The following ACOT12 variants were observed in gnomAD, a reference collection of about 807,000 sequenced individuals.
ACOT12 encodes the protein acetyl-coenzyme A thioesterase.
ACOT12 carries 51 observed loss-of-function variants against 67.7 expected under a neutral mutation model. The observed-to-expected ratio is 0.75, with a 90% CI of 0.60 to 0.95. The LOEUF is 0.95. Among genes scored for constraint, ACOT12 ranks in the 40% least tolerant of loss-of-function variants. The pLI is 0.00. For missense variants in ACOT12, 734 were observed against 708.1 expected (o/e 1.04, Z -0.41); for synonymous variants, 251 against 244.6 (o/e 1.03, Z -0.24).
In ACOT12 at chr5:81,393,917, C is replaced by T. The variant is rs148909874; in HGVS notation, c.127+71G>A. ...GTACCTTCCTCGCCTTCCTACCCCC[C>T]CCAGCCCCCAGCCGCCGCCGCTCCC... On this transcript the variant is annotated intron_variant, in intron 1 of 14. Coordinates refer to ENST00000307624, the MANE Select transcript of ACOT12 (RefSeq NM_130767.3). 2.4e-3 allele frequency: 3,102 copies of T among 1,274,776 alleles called. 7 individuals carry two copies. Among genetic ancestry groups the T allele is most frequent in the Non-Finnish European group, 2.8e-3 (2,849 of 1,012,914 alleles). The allele number at this position is 1,274,776 out of a possible 1,614,324, so 79.0% of individuals were successfully genotyped here. A position where few individuals can be genotyped will look rare whatever the true frequency, so the allele number is the denominator to read the frequency against.
chr5:81,342,140 G>C (rs1759215188), intron 11 of ACOT12, among the ~76,000 whole-genome samples: 3 of 152,116 alleles, frequency 2.0e-5, no homozygotes, highest in Admixed American at 1.3e-4. Flanking sequence ...ACAAGTGTCT[G>C]CTACCACAGC....
intron 12 of ACOT12, among the ~76,000 whole-genome samples, chr5:81,335,445 G>A (rs147444582): frequency 0.02 from 3,086 of 152,238 alleles, 117 homozygotes; most frequent in African/African-American, 0.07. Context: ...GCTCACTGTA[G>A]CCTTGACCTC....
the ACOT12 span, among the ~76,000 whole-genome samples, chr5:81,317,911 CAG>C: frequency 7.3e-6 from 1 of 137,820 alleles, no homozygotes; most frequent in Non-Finnish European, 1.5e-5. Flanking sequence ...TTTTTGGAGA[CAG>C]AGTTTGTAGC....
At chr5:81,314,095 T>TG in the ACOT12 span, among the ~76,000 whole-genome samples, 5 of 152,188 alleles carry the variant, frequency 3.3e-5, no homozygotes, top group Admixed American at 3.3e-4. Flanking sequence ...TGGATTACTT[T>TG]TTGTGTGTGT....
At chr5:81,343,281 CAT>C (rs1364823316) in intron 10 of ACOT12, among the ~76,000 whole-genome samples, 5 of 151,834 alleles carry the variant, frequency 3.3e-5, no homozygotes, top group African/African-American at 1.2e-4. Flanking sequence ...CTACAGGTAA[CAT>C]ATACTTTTTA....
chr5:81,330,803 A>G lies in ACOT12; in HGVS notation c.1518+11T>C. ...GAGCCAATTAATCTGCAGATGTTTCATCAAACTTACGATGCATGAATTGCT... is the reference window on the plus strand; with the variant it reads ...GAGCCAATTAATCTGCAGATGTTTCGTCAAACTTACGATGCATGAATTGCT... On this transcript the variant is annotated intron_variant, in intron 14 of 14. Coordinates refer to ENST00000307624, the MANE Select transcript of ACOT12 (RefSeq NM_130767.3). 3 of 1,610,434 alleles carry G rather than the reference A, an allele frequency of 1.9e-6. No individual in the cohort carries two copies. The highest frequency in any genetic ancestry group is 2.5e-6 in the Non-Finnish European group (3 of 1,179,126).
Position 81,394,050 on chromosome 5 carries a change from G to A in ACOT12, c.65C>T (p.Ala22Val). 6.8e-7 allele frequency: 1 copy of A among 1,472,294 alleles called. No individual in the cohort carries two copies. The highest frequency in any genetic ancestry group is 1.3e-5 in the South Asian group (1 of 75,970). The allele number at this position is 1,472,294 out of a possible 1,614,324, so 91.2% of individuals were successfully genotyped here. The change falls in exon 1 of 15, where the codon GCG (alanine) becomes GTG (valine). Residue 22 changes from alanine (A) to valine (V), a missense_variant. By Grantham distance (64) the Ala-to-Val change is moderately conservative. Coordinates refer to ENST00000307624, the MANE Select transcript of ACOT12 (RefSeq NM_130767.3). ...CTGCCCCGCGCTCAGCTCGCCGCGCGCAGTGGCGTGCGCCGGCTGGATGGC... is the reference window on the plus strand; with the variant it reads ...CTGCCCCGCGCTCAGCTCGCCGCGCACAGTGGCGTGCGCCGGCTGGATGGC... ...SQAIQPAHAT[A>V]RGELSAGQLL...
In ACOT12 at chr5:81,332,608, G is replaced by T; in HGVS notation, c.1263-3C>A. ...CCCAGTCTATGACTTCACAGGACCTGTGTATATAGAACAGTGAAAAGCAGG... is the reference window on the plus strand; with the variant it reads ...CCCAGTCTATGACTTCACAGGACCTTTGTATATAGAACAGTGAAAAGCAGG... On this transcript the variant is annotated splice_region_variant and splice_polypyrimidine_tract_variant and intron_variant, in intron 12 of 14. Transcript: ENST00000307624. 6.2e-7 allele frequency: 1 copy of T among 1,613,870 alleles called. No individual in the cohort carries two copies. The highest frequency in any genetic ancestry group is 8.5e-7 in the Non-Finnish European group (1 of 1,179,940).
Position 81,369,562 on chromosome 5 carries a change from A to G in ACOT12, c.258+2188T>C, listed in dbSNP as rs117463536. 8.7e-4 allele frequency among the ~76,000 whole-genome samples: 132 copies of G among 152,312 alleles called. 1 individual carries two copies. In the East Asian group the frequency reaches 0.025, roughly 29 times the overall value. ...AAAATTTAGAGGCTGCCTGGTCATG[A>G]TTTGCAGAAGATGAAAGAGAACAAA... On this transcript the variant is annotated intron_variant, in intron 3 of 14. Transcript: ENST00000307624.
chr5:81,344,852 A>C, intron 8 of ACOT12, 39 bp downstream of exon 8: 1 of 1,610,872 alleles, frequency 6.2e-7, no homozygotes, highest in Non-Finnish European at 8.5e-7. Context: ...CTCTCTATTC[A>C]CAGGTCCGGC....
chr5:81,328,741 G>A (rs936461798), downstream of ACOT12, among the ~76,000 whole-genome samples: 1 of 152,132 alleles, frequency 6.6e-6, no homozygotes, highest in Admixed American at 6.5e-5. Context: ...TTTAAAAAAG[G>A]GGTAGAAGGG....
the ACOT12 span, chr5:81,311,262 C>T: frequency 6.2e-7 from 1 of 1,614,022 alleles, no homozygotes; most frequent in Non-Finnish European, 8.5e-7. Context: ...AAAGATTGCC[C>T]TGAAAGTCAG....
chr5:81,319,594 G>C, the ACOT12 span, among the ~76,000 whole-genome samples: 4 of 152,090 alleles, frequency 2.6e-5, no homozygotes, highest in Non-Finnish European at 5.9e-5. Context: ...GTGCATGCCT[G>C]TAATCCCAGC....
chr5:81,379,384 A>G (rs1760513143), intron 2 of ACOT12, among the ~76,000 whole-genome samples: 2 of 152,066 alleles, frequency 1.3e-5, no homozygotes, highest in African/African-American at 4.8e-5. Flanking sequence ...AATGTTGATA[A>G]TGGGTTGATG....
At chr5:81,358,007 C>CAAAA (rs777333534) in intron 5 of ACOT12, among the ~76,000 whole-genome samples, 81 of 70,502 alleles carry the variant, frequency 1.1e-3, no homozygotes, top group Middle Eastern at 0.01. Flanking sequence ...CCCCATCTCA[C>CAAAA]AAAAAAAAAA....
downstream of ACOT12, among the ~76,000 whole-genome samples, chr5:81,329,276 C>CA (rs1407792133): frequency 6.6e-6 from 1 of 152,132 alleles, no homozygotes; most frequent in Admixed American, 6.6e-5. Flanking sequence ...ATTTTGTTGA[C>CA]TTTTTCAAAA....
At chr5:81,359,804 G>T in intron 5 of ACOT12, 99 bp downstream of exon 5, 1 of 1,319,170 alleles carries the variant, frequency 7.6e-7, no homozygotes, top group African/African-American at 1.5e-5. Context: ...CACCAGGACT[G>T]AATGGTAATA....
chr5:81,323,874 G>GTATACATATATACATATATACA, the ACOT12 span, among the ~76,000 whole-genome samples: 4 of 141,074 alleles, frequency 2.8e-5, no homozygotes, highest in African/African-American at 7.6e-5. Context: ...ATGTATATAT[G>GTATACATATATACATATATACA]TGTATATATG....
At chr5:81,387,043 T>C (rs1464916998) in intron 1 of ACOT12, among the ~76,000 whole-genome samples, 2 of 146,628 alleles carry the variant, frequency 1.4e-5, no homozygotes, top group Admixed American at 7.0e-5. Flanking sequence ...AGTCTCACTG[T>C]CACCCAGGCT....
Sources: allele counts gnomAD v4.1 joint callset (sites outside exome capture counted in the v4.1 genomes callset), GRCh38; gene constraint gnomAD v4.1.1; transcripts MANE v1.5; gene names NCBI Gene and HGNC (gene_info 2026-07-23, HGNC 2026-07-21).